WDR91: variants seen among roughly 807,000 people sequenced by gnomAD.
WDR91 encodes WD repeat-containing protein 91.
Under a neutral mutation model 88.4 loss-of-function variants are expected in WDR91, and 52 were observed. The ratio of observed to expected loss-of-function variants is 0.59; its 90% CI spans 0.47 to 0.74. The LOEUF is 0.74. WDR91 is among the 30% of genes least tolerant of loss of function. The pLI is 0.00. For synonymous variants in WDR91, 362 were observed against 389.5 expected, an observed-to-expected ratio of 0.93 and a Z score of 0.83; for missense variants, 824 against 954.5, an observed-to-expected ratio of 0.86 and a Z score of 1.80.
chr7:135,193,662 C>A lies in WDR91; in HGVS notation c.1406G>T (p.Gly469Val). Residue 469 changes from glycine to valine, a missense_variant, in exon 10 of 15, where the codon GGC becomes GTC. By Grantham distance (109) the Gly-to-Val change is moderately radical. Transcript: ENST00000354475. ...ATKRDRLLLL[G>V]SGVGTVRLYD... Reference sequence around the variant, plus strand: ...GAGACGCACTGTTCCCACACCACTGCCCAGCAAGAGCTGGAATGACAAGGG... The same window carrying A: ...GAGACGCACTGTTCCCACACCACTGACCAGCAAGAGCTGGAATGACAAGGG... 1 of 1,613,962 alleles carries A rather than the reference C, an allele frequency of 6.2e-7. No homozygotes were observed. The highest frequency in any genetic ancestry group is 8.5e-7 in the Non-Finnish European group (1 of 1,179,922).
chr7:135,209,492 T>C, intron 2 of WDR91, 84 bp downstream of exon 2: 1 of 1,349,466 alleles, frequency 7.4e-7, no homozygotes, highest in Non-Finnish European at 1.0e-6. Flanking sequence ...TACAGATTCC[T>C]CCCTAGGAAC....
intron 4 of WDR91, 60 bp downstream of exon 4, chr7:135,207,060 C>A (rs1831819110): frequency 1.4e-6 from 2 of 1,460,214 alleles, no homozygotes; most frequent in East Asian, 2.5e-5. Flanking sequence ...CTGCCACTAC[C>A]TAATTTCACA....
intron 6 of WDR91, 32 bp downstream of exon 6, chr7:135,204,236 G>A (rs571322182): frequency 6.2e-7 from 1 of 1,606,342 alleles, no homozygotes; most frequent in African/African-American, 1.3e-5. Flanking sequence ...GGCCTTCTTG[G>A]CCAGAGTTAG....
chr7:135,195,107 C>G lies in WDR91; in HGVS notation c.1245-23G>C, dbSNP rs749381939. 21 of 1,605,762 alleles carry G rather than the reference C, an allele frequency of 1.3e-5. No individual in the cohort carries two copies. In the African/African-American group the frequency reaches 2.7e-4, roughly 20 times the overall value. On this transcript the variant is annotated intron_variant, in intron 8 of 14. Coordinates refer to ENST00000354475, the MANE Select transcript of WDR91 (RefSeq NM_014149.4). ...ACTCTGAGATGAGAGAAAAGGGAGG[C>G]CTGTCAGCTGGCCTCTCAGTCCCCA... is the stretch of plus-strand genomic sequence containing the variant.
chr7:135,205,270 G>T (rs1831724060), intron 5 of WDR91, among the ~76,000 whole-genome samples: 1 of 152,224 alleles, frequency 6.6e-6, no homozygotes, highest in African/African-American at 2.4e-5. Context: ...TTCCATACAT[G>T]AGATGCTCCT....
chr7:135,206,598 GC>G lies in WDR91; in HGVS notation c.594+521del, dbSNP rs1267742628. 2.6e-5 allele frequency among the ~76,000 whole-genome samples: 4 copies of G among 151,968 alleles called. No homozygotes were observed. The East Asian group carries it at 7.7e-4, about 29-fold the overall frequency. ...TTCAGGAAAGAGAAATGTTCCTCAG[GC>G]AACATGTACAGGCAAATGTGGGTCC... On this transcript the variant is annotated intron_variant, in intron 4 of 14. Coordinates refer to ENST00000354475, the MANE Select transcript of WDR91 (RefSeq NM_014149.4).
At chr7:135,186,918 A>T in intron 14 of WDR91, 54 bp downstream of exon 14, 1 of 1,605,224 alleles carries the variant, frequency 6.2e-7, no homozygotes. Flanking sequence ...ACCTCCAGGG[A>T]GGAACCCCTG....
chr7:135,202,915 C>A (rs557790913), intron 6 of WDR91, among the ~76,000 whole-genome samples: 1 of 152,166 alleles, frequency 6.6e-6, no homozygotes, highest in Non-Finnish European at 1.5e-5. Context: ...TTTGCATTAA[C>A]GGCACTTTAG....
rs1831045119 is a variant in WDR91, at chr7:135,188,659, C to G, written c.1769-114G>C. ...TCAGGCTGACAGCTGTTCTGGAAGC[C>G]AAGGGCAGGCACCCAGGACCCAATG... On this transcript the variant is annotated intron_variant, in intron 12 of 14. Coordinates refer to ENST00000354475, the MANE Select transcript of WDR91 (RefSeq NM_014149.4). 4 of 900,770 alleles carry G rather than the reference C, an allele frequency of 4.4e-6. No individual in the cohort carries two copies. The Admixed American group carries it at 5.7e-5, about 13-fold the overall frequency. The allele number at this position is 900,770 out of a possible 1,614,324, so 55.8% of individuals were successfully genotyped here.
chr7:135,190,091 G>A (rs539570463), intron 11 of WDR91, among the ~76,000 whole-genome samples: 7 of 152,186 alleles, frequency 4.6e-5, no homozygotes, highest in African/African-American at 1.4e-4. Context: ...AAGCAAGAAC[G>A]CAGAGAACCA....
chr7:135,209,899 A>C, intron 1 of WDR91, 144 bp from the exon 2 acceptor site: 2 of 592,852 alleles, frequency 3.4e-6, no homozygotes, highest in Non-Finnish European at 5.4e-6. Flanking sequence ...TTCAAAACAT[A>C]CTAATGCAAC....
chr7:135,193,523 C>G, intron 10 of WDR91, 55 bp downstream of exon 10: 2 of 1,611,860 alleles, frequency 1.2e-6, no homozygotes, highest in Non-Finnish European at 1.7e-6. Context: ...ACCAGCCCCG[C>G]GGACCACACT....
At position 135,204,411 on chromosome 7, in the gene WDR91, T is replaced by G. The variant is rs770962557; in HGVS notation, c.748A>C (p.Asn250His). Residue 250 changes from asparagine to histidine, a missense_variant, in exon 6 of 15, where the codon AAT becomes CAT. By Grantham distance (68) the Asn-to-His change is moderately conservative (BLOSUM62 1). Coordinates refer to ENST00000354475, the MANE Select transcript of WDR91 (RefSeq NM_014149.4). ...CGAGGTGACTGGGAGAGGGAGGCAT[T>G]CCTTTGGCTGCACACCATGGCACTG... ...SELAMVCSQR[N>H]ASLSQSPRVG... 2 of 1,614,144 alleles carry G rather than the reference T, an allele frequency of 1.2e-6. No homozygotes were observed. The highest frequency in any genetic ancestry group is 2.2e-5 in the South Asian group (2 of 91,074).
intron 14 of WDR91, among the ~76,000 whole-genome samples, chr7:135,186,759 A>G (rs1392182512): frequency 1.3e-5 from 2 of 152,252 alleles, no homozygotes; most frequent in African/African-American, 4.8e-5. Flanking sequence ...CACCCAGAAC[A>G]GTGCTGGCCA....
chr7:135,187,095 G>A lies in WDR91; in HGVS notation c.1956C>T (p.Pro652=), dbSNP rs1467519623. The change falls in exon 14 of 15, where the codon CCC becomes CCT. Residue 652 remains proline, a synonymous_variant. Coordinates refer to ENST00000354475, the MANE Select transcript of WDR91 (RefSeq NM_014149.4). ...EYSLPSDATG[P]FVLSGYSGYK... ...AGCCGCTGTATCCAGACAGCACAAA[G>A]GGGCCCGTGGCATCTGAGGGGAGGC... is the stretch of plus-strand genomic sequence containing the variant. The A allele has an allele frequency of 1.9e-6, 3 of 1,614,154 alleles. No homozygotes were observed. The African/African-American group carries it at 4.0e-5, about 22-fold the overall frequency.
At chr7:135,202,944 G>A (rs991433010) in intron 6 of WDR91, among the ~76,000 whole-genome samples, 1 of 152,166 alleles carries the variant, frequency 6.6e-6, no homozygotes, top group African/African-American at 2.4e-5. Flanking sequence ...ACTAACTCAG[G>A]TACCCACGTG....
intron 2 of WDR91, 141 bp downstream of exon 2, chr7:135,209,435 T>G: frequency 1.3e-6 from 1 of 783,640 alleles, no homozygotes; most frequent in East Asian, 3.0e-5. Context: ...AGAAAAACAG[T>G]CAAAAATAAT....
At chr7:135,193,463 T>C in intron 10 of WDR91, 64 bp from the exon 11 acceptor site, 2 of 1,610,266 alleles carry the variant, frequency 1.2e-6, no homozygotes, top group Non-Finnish European at 1.7e-6. Flanking sequence ...TGCACTTTGG[T>C]CCTGAGGCTG....
Position 135,209,632 on chromosome 7 carries a change from T to C in WDR91, c.247A>G (p.Thr83Ala). Residue 83 changes from threonine (T) to alanine (A), a missense_variant, in exon 2 of 15, where the codon ACA becomes GCA. Transcript: ENST00000354475. ...AGGCTGGTTTTCAGCTTGTGGATTG[T>C]GGGTCTGTATATATCCTCCAAGCGG... The part of the protein sequence containing the change: ...FSRLEDIYRP[T>A]IHKLKTSLFR... The C allele has an allele frequency of 6.2e-7, 1 of 1,610,988 alleles. No homozygotes were observed. The highest frequency in any genetic ancestry group is 8.5e-7 in the Non-Finnish European group (1 of 1,178,540).
Sources: gnomAD v4.1 joint callset for allele counts (sites outside exome capture counted in the v4.1 genomes callset) on GRCh38, gnomAD v4.1.1 for gene constraint, MANE v1.5 for transcripts, NCBI Gene and HGNC (gene_info 2026-07-23, HGNC 2026-07-21) for gene names.